The following PCNX1 variants were observed in gnomAD, a reference collection of about 807,000 sequenced individuals.
The protein encoded by PCNX1 is pecanex 1.
In PCNX1, 78 loss-of-function variants were observed where a neutral mutation model predicts 242.2. The observed-to-expected ratio is 0.32, with a 90% CI of 0.27 to 0.39. The LOEUF (loss-of-function observed/expected upper bound fraction) is 0.39. Ranked by LOEUF, PCNX1 falls within the 10% of genes least tolerant of loss-of-function variation. The probability of loss-of-function intolerance (pLI) is 1.00; values close to 1 mark genes in which losing one functional copy is unlikely to be tolerated. For synonymous variants in PCNX1, 1,024 were observed against 1,032.9 expected (o/e 0.99, Z 0.17); for missense variants, 2,581 against 2,856.5 (o/e 0.90, Z 2.20).
At chr14:71,090,243 C>T (rs2062095179) in intron 30 of PCNX1, among the ~76,000 whole-genome samples, 1 of 152,150 alleles carries the variant, frequency 6.6e-6, no homozygotes, top group South Asian at 2.1e-4. Context: ...ATTTCTAAAG[C>T]CCTAGATGAT....
chr14:71,033,589 GT>G, intron 17 of PCNX1, 51 bp downstream of exon 17: 1 of 1,023,544 alleles, frequency 9.8e-7, no homozygotes. Context: ...GTAAGTTGGT[GT>G]TTTTTTCAAA....
At chr14:70,962,503 T>G (rs528584430) in intron 3 of PCNX1, among the ~76,000 whole-genome samples, 172 bp downstream of exon 3, 3 of 152,340 alleles carry the variant, frequency 2.0e-5, no homozygotes, top group Admixed American at 2.0e-4. Flanking sequence ...CTTTTCACAT[T>G]GATTAATTAC....
intron 16 of PCNX1, among the ~76,000 whole-genome samples, chr14:71,030,862 G>A (rs1383314030): frequency 3.2e-4 from 48 of 152,226 alleles, no homozygotes; most frequent in Non-Finnish European, 1.3e-4. Flanking sequence ...GAGGTCCTGA[G>A]CAGGATGATG....
At chr14:71,026,479 A>C (rs1432882127) in intron 14 of PCNX1, among the ~76,000 whole-genome samples, 191 bp downstream of exon 14, 1 of 152,130 alleles carries the variant, frequency 6.6e-6, no homozygotes, top group Admixed American at 6.6e-5. Flanking sequence ...TATTATAGTA[A>C]TTCTTTTGTT....
intron 19 of PCNX1, among the ~76,000 whole-genome samples, chr14:71,043,911 T>G (rs73295548): frequency 0.035 from 5,347 of 152,270 alleles, 290 homozygotes; most frequent in African/African-American, 0.12. Flanking sequence ...ATGTTTCTTG[T>G]GTCCTTACAT....
intron 32 of PCNX1, 108 bp from the exon 33 acceptor site, chr14:71,105,127 A>G: frequency 1.3e-6 from 1 of 783,258 alleles, no homozygotes; most frequent in Middle Eastern, 2.6e-4. Context: ...AGACTTTAAA[A>G]GGTGAACATT....
chr14:71,037,411 T>TA (rs1189379595), intron 19 of PCNX1, among the ~76,000 whole-genome samples: 4 of 143,376 alleles, frequency 2.8e-5, no homozygotes, highest in Admixed American at 7.1e-5. Context: ...TTCAGTATGA[T>TA]ATTGGCTGTG....
At chr14:70,919,393 A>G (rs1224392071) in intron 1 of PCNX1, among the ~76,000 whole-genome samples, 2 of 152,166 alleles carry the variant, frequency 1.3e-5, no homozygotes, top group Non-Finnish European at 2.9e-5. Flanking sequence ...ACTGACAAGC[A>G]GAAATGTTTC....
chr14:71,097,614 C>A (rs1157818924), intron 30 of PCNX1, among the ~76,000 whole-genome samples: 1 of 152,070 alleles, frequency 6.6e-6, no homozygotes, highest in African/African-American at 2.4e-5. Flanking sequence ...CTGTTCTTAT[C>A]TTTTGCCCAC....
At chr14:71,059,376 C>T (rs1367854782) in intron 26 of PCNX1, among the ~76,000 whole-genome samples, 1 of 151,914 alleles carries the variant, frequency 6.6e-6, no homozygotes, top group East Asian at 1.9e-4. Context: ...ATTCTTAACT[C>T]AGACATTAGC....
chr14:71,003,080 C>CTTTTTTTTTTTTTTTTTTTTTTTTTTTT lies in PCNX1; in HGVS notation c.2630-6534_2630-6533insTTTTTTTTTTTTTTTTTTTTTTTTTTTT, dbSNP rs3083307. Among the ~76,000 whole-genome samples, 7 of 95,474 alleles carry CTTTTTTTTTTTTTTTTTTTTTTTTTTTT rather than the reference C, an allele frequency of 7.3e-5. 1 individual carries two copies. The highest frequency in any genetic ancestry group is 3.3e-4 in the African/African-American group (7 of 21,262). The allele number at this position is 95,474 out of a possible 152,430, so 62.6% of individuals were successfully genotyped here. A position where few individuals can be genotyped will look rare whatever the true frequency, so the allele number is the denominator to read the frequency against. On this transcript the variant is annotated intron_variant, in intron 8 of 35. Coordinates refer to ENST00000304743, the MANE Select transcript of PCNX1 (RefSeq NM_014982.3). ...TAAAAATCGGGTTGTTGGTTGTCTT[C>CTTTTTTTTTTTTTTTTTTTTTTTTTTTT]TTTTTTTTTTTTTTTTTTTTGAGAC...
chr14:70,956,582 AAC>A (rs1465989611), intron 2 of PCNX1, among the ~76,000 whole-genome samples: 1 of 151,960 alleles, frequency 6.6e-6, no homozygotes, highest in Non-Finnish European at 1.5e-5. Flanking sequence ...ACAAAACAAA[AAC>A]ACAAAAAAAG....
intron 6 of PCNX1, among the ~76,000 whole-genome samples, chr14:70,986,620 C>T (rs2059009846): frequency 6.6e-6 from 1 of 152,114 alleles, no homozygotes; most frequent in African/African-American, 2.4e-5. Flanking sequence ...TCTCTTCTTC[C>T]TGTTCTGTAT....
Position 70,977,312 on chromosome 14 carries a change from C to G in PCNX1, c.975C>G (p.Ser325=), listed in dbSNP as rs1415494584. The G allele has an allele frequency of 3.7e-6, 6 of 1,613,998 alleles. No homozygotes were observed. Among genetic ancestry groups the G allele is most frequent in the Non-Finnish European group, 5.1e-6 (6 of 1,180,032 alleles). ...ELESSKPLSG[S]KESLVENSGL... ...AATCTTCCAAGCCTCTTTCTGGATCCAAAGAATCCTTGGTGGAAAATTCTG... is the reference window on the plus strand; with the variant it reads ...AATCTTCCAAGCCTCTTTCTGGATCGAAAGAATCCTTGGTGGAAAATTCTG... Residue 325 remains serine (S), a synonymous_variant, in exon 6 of 36, where the codon TCC becomes TCG. Coordinates refer to ENST00000304743, the MANE Select transcript of PCNX1 (RefSeq NM_014982.3).
At chr14:71,067,394 A>G (rs972310671) in intron 26 of PCNX1, among the ~76,000 whole-genome samples, 1 of 151,816 alleles carries the variant, frequency 6.6e-6, no homozygotes, top group African/African-American at 2.4e-5. Context: ...TTTCTAGTTT[A>G]TTTGCATAGG....
At chr14:71,083,473 C>T (rs777879762) in intron 28 of PCNX1, among the ~76,000 whole-genome samples, 1 of 152,160 alleles carries the variant, frequency 6.6e-6, no homozygotes, top group Non-Finnish European at 1.5e-5. Flanking sequence ...CTCTGCATCA[C>T]TTTCAGGTAC....
At chr14:70,950,480 G>A (rs1421901796) in intron 2 of PCNX1, among the ~76,000 whole-genome samples, 1 of 152,054 alleles carries the variant, frequency 6.6e-6, no homozygotes, top group Non-Finnish European at 1.5e-5. Context: ...ATGATTAAAT[G>A]TTCTATCATA....
rs575082538 is a variant in PCNX1 at position 70,976,961 on chromosome 14, G to C, written c.624G>C (p.Lys208Asn). 2.4e-4 allele frequency: 380 copies of C among 1,611,730 alleles called. 4 individuals are homozygous for C. The South Asian group carries it at 3.9e-3, about 17-fold the overall frequency. The change falls in exon 6 of 36, where the codon AAG (lysine) becomes AAC (asparagine). Residue 208 changes from lysine to asparagine, a missense_variant. This residue lies in a region of PCNX1 where 1,204 missense variants were observed against 1,216.7 expected (regional missense o/e 0.99). Transcript: ENST00000304743. ...SEEQDLAADR[K>N]LFRLVSNDSF... is the part of the protein sequence containing the mutation. ...AAACAGATTTGGCAGCTGATCGGAA[G>C]CTCTTTCGTCTTGTCTCCAATGACT...
At chr14:70,998,750 CA>C (rs34044438) in intron 8 of PCNX1, among the ~76,000 whole-genome samples, 43,519 of 89,088 alleles carry the variant, frequency 0.49, 7,226 homozygotes, top group East Asian at 0.64. Context: ...GACCCTATCT[CA>C]AAAAAAAAAA....
Sources: gnomAD v4.1 joint callset for allele counts (sites outside exome capture counted in the v4.1 genomes callset) on GRCh38, gnomAD v4.1.1 for gene constraint, gnomAD v4.1.1 regional missense constraint, MANE v1.5 for transcripts, NCBI Gene and HGNC (gene_info 2026-07-23, HGNC 2026-07-21) for gene names.